The following GUCY1A2 variants were observed in gnomAD, a reference collection of about 807,000 sequenced individuals.
GUCY1A2 encodes the protein guanylate cyclase 1 soluble subunit alpha 2.
Under a neutral mutation model 63.5 loss-of-function variants are expected in GUCY1A2, and 27 were observed. The ratio of observed to expected loss-of-function variants is 0.43; its 90% CI spans 0.31 to 0.59. The LOEUF is 0.59. Ranked by LOEUF, GUCY1A2 falls within the 20% of genes least tolerant of loss-of-function variation. The probability of loss-of-function intolerance (pLI) is 0.11; values close to 1 mark genes in which losing one functional copy is unlikely to be tolerated. For synonymous variants in GUCY1A2, 364 were observed against 343.5 expected (o/e 1.06, Z -0.66); for missense variants, 768 against 913.3 (o/e 0.84, Z 2.05).
chr11:106,894,749 G>T (rs1264996614), intron 4 of GUCY1A2, among the ~76,000 whole-genome samples: 2 of 152,086 alleles, frequency 1.3e-5, no homozygotes, highest in African/African-American at 4.8e-5. Context: ...AGGAAAATTT[G>T]TGATTCAGTG....
At chr11:106,782,432 C>G (rs1158618927) in intron 5 of GUCY1A2, among the ~76,000 whole-genome samples, 1 of 152,160 alleles carries the variant, frequency 6.6e-6, no homozygotes, top group Non-Finnish European at 1.5e-5. Flanking sequence ...ACCTGGACAC[C>G]TCATCATGCT....
intron 4 of GUCY1A2, chr11:106,828,011 C>G (rs1025501279): frequency 1.5e-6 from 1 of 668,734 alleles, no homozygotes; most frequent in South Asian, 1.7e-5. Context: ...ATCCGACCTA[C>G]GGGTGCTCGG....
chr11:106,919,912 G>C (rs1860419269), intron 4 of GUCY1A2, among the ~76,000 whole-genome samples: 1 of 151,988 alleles, frequency 6.6e-6, no homozygotes, highest in Non-Finnish European at 1.5e-5. Context: ...TACCTCCACT[G>C]CTTTACTCAC....
At chr11:106,891,266 G>A (rs1859970043) in intron 4 of GUCY1A2, among the ~76,000 whole-genome samples, 1 of 151,970 alleles carries the variant, frequency 6.6e-6, no homozygotes, top group African/African-American at 2.4e-5. Flanking sequence ...TTAAAAAATA[G>A]CTGATCAAGC....
intron 3 of GUCY1A2, among the ~76,000 whole-genome samples, chr11:106,976,145 G>A (rs1039192064): frequency 3.9e-5 from 6 of 152,046 alleles, no homozygotes; most frequent in African/African-American, 1.4e-4. Flanking sequence ...GGTTAAGAAG[G>A]TAAGAGAAAT....
At chr11:106,737,176 C>T (rs1863605270) in intron 6 of GUCY1A2, among the ~76,000 whole-genome samples, 2 of 152,138 alleles carry the variant, frequency 1.3e-5, no homozygotes, top group South Asian at 4.1e-4. Context: ...TCAGTTTTAT[C>T]ACTCAGTATC....
chr11:106,728,302 T>C (rs1591250510), intron 6 of GUCY1A2, among the ~76,000 whole-genome samples: 1 of 152,270 alleles, frequency 6.6e-6, no homozygotes, highest in South Asian at 2.1e-4. Flanking sequence ...CTCCTTTCTC[T>C]CACCCTTTAC....
intron 3 of GUCY1A2, among the ~76,000 whole-genome samples, chr11:106,967,223 C>A (rs1466058074): frequency 6.6e-6 from 1 of 152,162 alleles, no homozygotes; most frequent in Non-Finnish European, 1.5e-5. Context: ...TAAAATGACT[C>A]TGCTTTATGA....
chr11:106,718,475 T>C (rs1363120508), intron 6 of GUCY1A2, among the ~76,000 whole-genome samples: 1 of 152,100 alleles, frequency 6.6e-6, no homozygotes, highest in Non-Finnish European at 1.5e-5. Flanking sequence ...ATGGCTCAAA[T>C]TCACCACCAC....
chr11:106,915,135 T>A (rs1202850141), intron 4 of GUCY1A2, among the ~76,000 whole-genome samples: 4 of 152,086 alleles, frequency 2.6e-5, no homozygotes, highest in Non-Finnish European at 5.9e-5. Context: ...ATTATACAGA[T>A]CAGAAACTTG....
At chr11:106,737,474 G>A (rs1305574262) in intron 6 of GUCY1A2, among the ~76,000 whole-genome samples, 1 of 151,994 alleles carries the variant, frequency 6.6e-6, no homozygotes, top group African/African-American at 2.4e-5. Flanking sequence ...AGTTATACAC[G>A]TGCCATGGTG....
chr11:106,935,875 A>T (rs111753772), intron 4 of GUCY1A2, among the ~76,000 whole-genome samples: 198 of 146,588 alleles, frequency 1.4e-3, no homozygotes, highest in African/African-American at 3.5e-3. Flanking sequence ...AAAAAAAATT[A>T]AAAAAAAAAT....
intron 6 of GUCY1A2, among the ~76,000 whole-genome samples, chr11:106,768,068 A>G (rs770090231): frequency 3.9e-5 from 6 of 152,082 alleles, no homozygotes; most frequent in Non-Finnish European, 5.9e-5. Flanking sequence ...CCCCCACCCA[A>G]TCTGGCCAGT....
At chr11:106,896,448 A>T (rs1860050917) in intron 4 of GUCY1A2, among the ~76,000 whole-genome samples, 1 of 152,176 alleles carries the variant, frequency 6.6e-6, no homozygotes, top group Non-Finnish European at 1.5e-5. Context: ...TATTGTACTG[A>T]AGTCCTAGCT....
At chr11:107,002,870 T>C (rs1468227210) in intron 1 of GUCY1A2, among the ~76,000 whole-genome samples, 4 of 152,184 alleles carry the variant, frequency 2.6e-5, no homozygotes, top group Non-Finnish European at 2.9e-5. Context: ...AATAATAAAT[T>C]AGGTATGAAT....
intron 6 of GUCY1A2, among the ~76,000 whole-genome samples, chr11:106,764,820 T>C (rs1864131088): frequency 1.3e-5 from 2 of 151,978 alleles, no homozygotes; most frequent in African/African-American, 4.8e-5. Flanking sequence ...AGCAAAGCTT[T>C]TTTCTTTTTT....
chr11:106,730,298 G>C (rs1298203321), intron 6 of GUCY1A2, among the ~76,000 whole-genome samples: 1 of 151,388 alleles, frequency 6.6e-6, no homozygotes, highest in Admixed American at 6.6e-5. Flanking sequence ...GTAGGCCCTG[G>C]TGTCTGTTGT....
chr11:106,719,302 G>A (rs1863272490), intron 6 of GUCY1A2, among the ~76,000 whole-genome samples: 1 of 151,308 alleles, frequency 6.6e-6, no homozygotes, highest in African/African-American at 2.4e-5. Flanking sequence ...AAAATTTCTA[G>A]GAAGAAAAAA....
chr11:106,743,295 C>G (rs1287245589), intron 6 of GUCY1A2, among the ~76,000 whole-genome samples: 1 of 152,108 alleles, frequency 6.6e-6, no homozygotes, highest in Non-Finnish European at 1.5e-5. Flanking sequence ...TGAAAAAGGT[C>G]ACGAGTTCTC....
Sources: allele counts gnomAD v4.1 joint callset (sites outside exome capture counted in the v4.1 genomes callset), GRCh38; gene constraint gnomAD v4.1.1; transcripts MANE v1.5; gene names NCBI Gene and HGNC (gene_info 2026-07-23, HGNC 2026-07-21).